Variants in KATNAL2 observed in about 807,000 individuals in gnomAD.
KATNAL2 encodes the protein katanin p60 ATPase-containing subunit A-like 2.
Under a neutral mutation model 76.3 loss-of-function variants are expected in KATNAL2, and 52 were observed. The ratio of observed to expected loss-of-function variants is 0.68; its 90% CI spans 0.55 to 0.86. KATNAL2 has a LOEUF of 0.86. Ranked by LOEUF, KATNAL2 falls within the 40% of genes least tolerant of loss-of-function variation. KATNAL2 has a pLI of 0.00. For missense variants in KATNAL2, 660 were observed against 668.9 expected (o/e 0.99, Z 0.15); for synonymous variants, 243 against 244.2 (o/e 1.00, Z 0.05).
chr18:47,032,220 T>A (rs1450821222), intron 3 of KATNAL2, among the ~76,000 whole-genome samples: 1 of 152,246 alleles, frequency 6.6e-6, no homozygotes, highest in Non-Finnish European at 1.5e-5. Flanking sequence ...CATTCACTTA[T>A]GAAATCCGAT....
At chr18:47,041,461 G>C (rs907828774) in intron 3 of KATNAL2, among the ~76,000 whole-genome samples, 1 of 152,014 alleles carries the variant, frequency 6.6e-6, no homozygotes, top group Non-Finnish European at 1.5e-5. Flanking sequence ...CAGTATATAG[G>C]CTTTTCAATT....
At chr18:47,042,953 C>G (rs113737692) in intron 3 of KATNAL2, among the ~76,000 whole-genome samples, 3,070 of 152,154 alleles carry the variant, frequency 0.02, 81 homozygotes, top group East Asian at 0.13. Context: ...GTAGGCTGGG[C>G]GCGGTGGCTC....
chr18:47,034,781 G>T, intron 3 of KATNAL2: 1 of 1,612,538 alleles, frequency 6.2e-7, no homozygotes, highest in South Asian at 1.1e-5. Context: ...GAATCAGCTG[G>T]GGCTATTCTG....
chr18:47,089,110 C>T (rs949910075), intron 15 of KATNAL2, among the ~76,000 whole-genome samples: 1 of 152,212 alleles, frequency 6.6e-6, no homozygotes, highest in Non-Finnish European at 1.5e-5. Flanking sequence ...TGCCATTCTA[C>T]ATGTTGCCTT....
chr18:46,931,940 G>T (rs1356341730), intron 1 of KATNAL2, among the ~76,000 whole-genome samples: 1 of 150,352 alleles, frequency 6.7e-6, no homozygotes, highest in African/African-American at 2.4e-5. Context: ...TTGAGACGGG[G>T]TCTCGTTCTG....
chr18:46,958,919 C>T (rs1160590433), intron 3 of KATNAL2, among the ~76,000 whole-genome samples: 3 of 152,204 alleles, frequency 2.0e-5, no homozygotes, highest in Non-Finnish European at 4.4e-5. Context: ...TGTCATTATA[C>T]GTACTTTTCA....
At chr18:47,046,430 T>C in intron 3 of KATNAL2, 27 bp from the exon 4 acceptor site, 2 of 1,500,788 alleles carry the variant, frequency 1.3e-6, no homozygotes, top group East Asian at 2.5e-5. Flanking sequence ...TTTGTTGTCA[T>C]CCTACCTAAA....
chr18:47,034,951 T>C (rs2060694030), intron 3 of KATNAL2: 1 of 1,611,804 alleles, frequency 6.2e-7, no homozygotes, highest in African/African-American at 1.3e-5. Context: ...CTTTTCCTGG[T>C]CCTGAAGAGC....
intron 9 of KATNAL2, 81 bp downstream of exon 9, chr18:47,063,151 G>A: frequency 6.8e-7 from 1 of 1,463,618 alleles, no homozygotes; most frequent in South Asian, 1.2e-5. Flanking sequence ...TGAGTACAGT[G>A]AAACCTTGAG....
intron 3 of KATNAL2, chr18:47,034,059 A>G: frequency 1.2e-6 from 2 of 1,614,216 alleles, no homozygotes; most frequent in Non-Finnish European, 1.7e-6. Flanking sequence ...CAGTGGTGGC[A>G]GATTTTCCAG....
chr18:46,952,886 C>T (rs1419862843), intron 3 of KATNAL2, among the ~76,000 whole-genome samples: 2 of 131,400 alleles, frequency 1.5e-5, no homozygotes, highest in African/African-American at 5.6e-5. Context: ...CTGCTTCCTT[C>T]CTTCTTTTTT....
At chr18:47,051,716 T>C (rs1332307468) in intron 4 of KATNAL2, among the ~76,000 whole-genome samples, 1 of 152,170 alleles carries the variant, frequency 6.6e-6, no homozygotes, top group East Asian at 1.9e-4. Context: ...AAAATTAGCT[T>C]AGGAGAGATA....
rs763319483 is a variant in KATNAL2, at chr18:47,062,930, T to C, written c.550-42T>C. 156 of 1,483,818 alleles carry C rather than the reference T, an allele frequency of 1.1e-4. 1 individual carries two copies. The highest frequency in any genetic ancestry group is 1.4e-4 in the Non-Finnish European group (149 of 1,063,986). 91.9% of individuals were successfully genotyped at this position (1,483,818 alleles called of 1,614,324 possible). A position where few individuals can be genotyped will look rare whatever the true frequency, so the allele number is the denominator to read the frequency against. ...AACTGAGTTATTAAGAAGAGTCTTC[T>C]CTTATGTTCTCATGGCATAAATAAC... On this transcript the variant is annotated intron_variant, in intron 8 of 17. Transcript: ENST00000683218.
intron 4 of KATNAL2, among the ~76,000 whole-genome samples, chr18:47,048,574 G>A (rs989665858): frequency 2.0e-5 from 3 of 152,182 alleles, no homozygotes; most frequent in Non-Finnish European, 4.4e-5. Context: ...CCCCGGAGCA[G>A]GGCAGGGCTG....
intron 3 of KATNAL2, among the ~76,000 whole-genome samples, chr18:46,956,903 C>T (rs190683340): frequency 2.0e-5 from 3 of 152,016 alleles, no homozygotes; most frequent in African/African-American, 4.8e-5. Context: ...ATTAGCCAGG[C>T]GTGGTGGCAT....
At chr18:46,958,706 C>T (rs184736157) in intron 3 of KATNAL2, among the ~76,000 whole-genome samples, 1 of 152,280 alleles carries the variant, frequency 6.6e-6, no homozygotes, top group East Asian at 1.9e-4. Context: ...TTTTTCTTAA[C>T]CTGAATGTAA....
chr18:46,935,589 A>G (rs776249793), intron 1 of KATNAL2, among the ~76,000 whole-genome samples: 37 of 152,046 alleles, frequency 2.4e-4, no homozygotes, highest in Non-Finnish European at 4.7e-4. Flanking sequence ...GCAACAGGAT[A>G]GTTTTATGTA....
intron 3 of KATNAL2, chr18:47,034,300 C>A (rs2060645663): frequency 6.2e-7 from 1 of 1,613,458 alleles, no homozygotes; most frequent in Non-Finnish European, 8.5e-7. Context: ...TGGGTCCCGG[C>A]CGTCTAGACT....
intron 3 of KATNAL2, chr18:47,032,889 CT>C (rs2060542021): frequency 1.3e-6 from 2 of 1,586,250 alleles, no homozygotes; most frequent in Non-Finnish European, 1.7e-6. Flanking sequence ...AAAGGCTCAA[CT>C]TTGCACCAAG....
Sources: gnomAD v4.1 joint callset for allele counts (sites outside exome capture counted in the v4.1 genomes callset) on GRCh38, gnomAD v4.1.1 for gene constraint, MANE v1.5 for transcripts, NCBI Gene and HGNC (gene_info 2026-07-23, HGNC 2026-07-21) for gene names.